Variants in PKHD1 observed in about 807,000 individuals in gnomAD.
PKHD1 encodes fibrocystin.
A neutral mutation model predicts 412.0 loss-of-function variants in PKHD1; 291 were observed. The observed-to-expected ratio is 0.71, with a 90% CI of 0.64 to 0.78. The LOEUF is 0.78. Ranked by LOEUF, PKHD1 falls within the 30% of genes least tolerant of loss-of-function variation. PKHD1 has a pLI of 0.00. For synonymous variants in PKHD1, 1,777 were observed against 1,821.5 expected, an observed-to-expected ratio of 0.98 and a Z score of 0.62; for missense variants, 4,825 against 4,950.7, an observed-to-expected ratio of 0.97 and a Z score of 0.76.
intron 11 of PKHD1, among the ~76,000 whole-genome samples, chr6:52,067,306 G>C (rs745989014): frequency 5.3e-5 from 8 of 152,022 alleles, no homozygotes; most frequent in African/African-American, 1.9e-4. Context: ...TCAGCTTTAC[G>C]TAGAGATTAA....
At position 51,748,253 on chromosome 6, in the gene PKHD1, A is replaced by G. The variant is rs183674012; in HGVS notation, c.9363T>C (p.Asn3121=). Residue 3121 remains asparagine (N), a synonymous_variant, in exon 58 of 67, where the codon AAT becomes AAC. Coordinates refer to ENST00000371117, the MANE Select transcript of PKHD1 (RefSeq NM_138694.4). The stretch of plus-strand genomic sequence containing the variant: ...GGCCATGAAGACTTGAATGCGCCAC[A>G]TTGTCAGACCAAAGCAGTTCACAAG... ...CSSCELLWSD[N]VAHSSLHGLH... is the part of the protein sequence containing the mutation. 319 of 1,614,106 alleles carry G rather than the reference A, an allele frequency of 2.0e-4. No homozygotes were observed. The highest frequency in any genetic ancestry group is 1.7e-3 in the Admixed American group (103 of 60,016).
Position 51,754,660 on chromosome 6 carries a change from G to A in PKHD1, c.8797+124C>T, listed in dbSNP as rs1279869177. 9.9e-6 allele frequency: 8 copies of A among 805,986 alleles called. No homozygotes were observed. In the Admixed American group the frequency reaches 1.3e-4, roughly 13 times the overall value. 49.9% of individuals were successfully genotyped at this position (805,986 alleles called of 1,614,324 possible). ...GATAAGGCCACGTAGCATGAGTCTAGGTCAACAGGAAGGCATTGTTCTTCC... is the reference window on the plus strand; with the variant it reads ...GATAAGGCCACGTAGCATGAGTCTAAGTCAACAGGAAGGCATTGTTCTTCC... On this transcript the variant is annotated intron_variant, in intron 56 of 66. Coordinates refer to ENST00000371117, the MANE Select transcript of PKHD1 (RefSeq NM_138694.4).
intron 57 of PKHD1, among the ~76,000 whole-genome samples, chr6:51,750,011 T>C (rs1785823107): frequency 6.6e-6 from 1 of 152,202 alleles, no homozygotes; most frequent in Non-Finnish European, 1.5e-5. Context: ...ATAATAGTAT[T>C]AATAGTATTT....
At chr6:51,906,520 A>C (rs1452449624) in intron 40 of PKHD1, among the ~76,000 whole-genome samples, 180 bp from the exon 41 acceptor site, 5 of 152,116 alleles carry the variant, frequency 3.3e-5, no homozygotes, top group African/African-American at 1.2e-4. Flanking sequence ...AATGGGCCTC[A>C]ATAATAAAAA....
In PKHD1 at chr6:51,701,408, G is replaced by T. The variant is rs561370443; in HGVS notation, c.10157-41439C>A. On this transcript the variant is annotated intron_variant, in intron 60 of 66. Transcript: ENST00000371117. ...CTTCTAATGTTTGGTAAAGAGTTAA[G>T]TCTGTCCAAAGATTCTGACATTTAT... Among the ~76,000 whole-genome samples, 211 of 152,154 alleles carry T rather than the reference G, an allele frequency of 1.4e-3. 1 individual carries two copies. Among genetic ancestry groups the T allele is most frequent in the Non-Finnish European group, 2.3e-3 (155 of 67,952 alleles).
At chr6:51,968,232 C>CA (rs892503735) in intron 35 of PKHD1, among the ~76,000 whole-genome samples, 1 of 151,594 alleles carries the variant, frequency 6.6e-6, no homozygotes, top group African/African-American at 2.4e-5. Context: ...TCCTCAAGGG[C>CA]AAAAAAAAAT....
chr6:51,842,526 G>A (rs1167386866), intron 50 of PKHD1, among the ~76,000 whole-genome samples: 9 of 152,084 alleles, frequency 5.9e-5, no homozygotes, highest in East Asian at 1.9e-4. Flanking sequence ...ACTCTGCATC[G>A]GGCTTCCAAG....
intron 52 of PKHD1, among the ~76,000 whole-genome samples, chr6:51,810,919 C>T (rs1021825982): frequency 1.3e-5 from 2 of 152,098 alleles, no homozygotes; most frequent in African/African-American, 4.8e-5. Context: ...GATTATTTTT[C>T]CTGATATTCT....
chr6:52,057,041 A>C lies in PKHD1; in HGVS notation c.1513-62T>G, dbSNP rs569356785. The C allele has an allele frequency of 4.6e-5, 49 of 1,061,664 alleles. No homozygotes were observed. In the East Asian group the frequency reaches 1.1e-3, roughly 25 times the overall value. The allele number at this position is 1,061,664 out of a possible 1,614,324, so 65.8% of individuals were successfully genotyped here. A position where few individuals can be genotyped will look rare whatever the true frequency, so the allele number is the denominator to read the frequency against. On this transcript the variant is annotated intron_variant, in intron 16 of 66. Transcript: ENST00000371117. ...GCTAATTAAGCCAGAGAGACAATCT[A>C]AGAACACAGGACATTCCTCCTCAAC...
intron 37 of PKHD1, among the ~76,000 whole-genome samples, chr6:51,933,140 G>C (rs1019570481): frequency 6.6e-6 from 1 of 152,000 alleles, no homozygotes; most frequent in African/African-American, 2.4e-5. Flanking sequence ...ACTGAAATAT[G>C]CTTACTCATT....
chr6:51,652,491 C>T (rs894691638), intron 61 of PKHD1, among the ~76,000 whole-genome samples: 3 of 152,084 alleles, frequency 2.0e-5, no homozygotes, highest in South Asian at 2.1e-4. Flanking sequence ...GCTACTAAGC[C>T]GAGTTCCTAT....
At chr6:51,999,680 T>A (rs962305363) in intron 35 of PKHD1, among the ~76,000 whole-genome samples, 2 of 152,190 alleles carry the variant, frequency 1.3e-5, no homozygotes, top group Non-Finnish European at 2.9e-5. Flanking sequence ...GTTCTCCAAA[T>A]TGACTGAATT....
chr6:52,027,857 G>A lies in PKHD1; in HGVS notation c.3600C>T (p.Ser1200=), dbSNP rs1282731864. The change falls in exon 31 of 67, where the codon AGC becomes AGT. Residue 1200 remains serine (S), a synonymous_variant. Coordinates refer to ENST00000371117, the MANE Select transcript of PKHD1 (RefSeq NM_138694.4). ...LHIQYLTEVF[S]IEPCCGSLLG... is the part of the protein sequence containing the mutation. ...GCAGGGACCCACAGCAAGGCTCGAT[G>A]CTGAAAACTTCTGTGAGGTACTGGA... is the stretch of plus-strand genomic sequence containing the variant. The A allele has an allele frequency of 6.2e-7, 1 of 1,613,564 alleles. No homozygotes were observed. The highest frequency in any genetic ancestry group is 1.1e-5 in the South Asian group (1 of 91,076).
chr6:52,048,554 T>C lies in PKHD1; in HGVS notation c.2345A>G (p.Gln782Arg), dbSNP rs896323978. ...TCCTCCTAGAGGTGGACTTGTCCGC[T>C]GTCGTCTCTGTGTCGTCACCAGGAC... ...GLVLVTTQRR[Q>R]RTSPPLGGHF... Residue 782 changes from glutamine (Q) to arginine (R), a missense_variant, in exon 23 of 67, where the codon CAG becomes CGG. By Grantham distance (43) the Gln-to-Arg change is conservative. Transcript: ENST00000371117. The C allele has an allele frequency of 2.5e-6, 4 of 1,613,970 alleles. No individual in the cohort carries two copies. Among genetic ancestry groups the C allele is most frequent in the Non-Finnish European group, 3.4e-6 (4 of 1,179,924 alleles).
rs372111107 is a variant in PKHD1, at chr6:52,043,587, G to A, written c.2821+38C>T. ...TCTAACAAAATCACTGCAAGTCTCC[G>A]GCTTAAGCCCATCTCAGAGCCAAGT... On this transcript the variant is annotated intron_variant, in intron 26 of 66. Coordinates refer to ENST00000371117, the MANE Select transcript of PKHD1 (RefSeq NM_138694.4). 928 of 1,424,552 alleles carry A rather than the reference G, an allele frequency of 6.5e-4. 1 individual carries two copies. Among genetic ancestry groups the A allele is most frequent in the Non-Finnish European group, 8.4e-4 (848 of 1,008,090 alleles). 88.2% of individuals were successfully genotyped at this position (1,424,552 alleles called of 1,614,324 possible).
intron 43 of PKHD1, among the ~76,000 whole-genome samples, chr6:51,891,982 G>A (rs1193951133): frequency 6.6e-6 from 1 of 152,104 alleles, no homozygotes; most frequent in East Asian, 1.9e-4. Context: ...TGACACAATT[G>A]CCCCGGGCTG....
At chr6:51,757,607 T>G (rs1262880911) in intron 55 of PKHD1, among the ~76,000 whole-genome samples, 1 of 152,132 alleles carries the variant, frequency 6.6e-6, no homozygotes, top group Non-Finnish European at 1.5e-5. Context: ...CACCATCAAT[T>G]TGACATAAAA....
At chr6:52,057,052 A>G (rs1011140076) in intron 16 of PKHD1, 73 bp from the exon 17 acceptor site, 4 of 936,128 alleles carry the variant, frequency 4.3e-6, no homozygotes, top group Non-Finnish European at 7.0e-6. Context: ...AGAACACAGG[A>G]CATTCCTCCT....
intron 52 of PKHD1, among the ~76,000 whole-genome samples, chr6:51,807,458 A>AATATATATATATAT (rs1216445909): frequency 2.0e-4 from 10 of 49,694 alleles, no homozygotes; most frequent in African/African-American, 5.4e-4. Flanking sequence ...AAAAAAAAAA[A>AATATATATATATAT]ATATATATAT....
Sources: allele counts gnomAD v4.1 joint callset (sites outside exome capture counted in the v4.1 genomes callset), GRCh38; gene constraint gnomAD v4.1.1; transcripts MANE v1.5; gene names NCBI Gene and HGNC (gene_info 2026-07-23, HGNC 2026-07-21).